ABCA13: variants seen among roughly 807,000 people sequenced by gnomAD.
ABCA13 encodes ATP-binding cassette sub-family A member 13.
Under a neutral mutation model 478.7 loss-of-function variants are expected in ABCA13, and 476 were observed. The observed-to-expected ratio is 0.99, with a 90% CI of 0.92 to 1.07. The LOEUF is 1.07. ABCA13 is among the 50% of genes least tolerant of loss of function. The pLI is 0.00. For synonymous variants in ABCA13, 2,252 were observed against 2,158.9 expected, an observed-to-expected ratio of 1.04 and a Z score of -1.20; for missense variants, 6,060 against 5,910.6, an observed-to-expected ratio of 1.03 and a Z score of -0.83.
At chr7:48,511,278 C>T (rs1392097213) in intron 51 of ABCA13, 79 bp downstream of exon 51, 29 of 1,130,934 alleles carry the variant, frequency 2.6e-5, no homozygotes, top group Non-Finnish European at 3.2e-5. Context: ...TTTGAACCTG[C>T]TGTCGACTTC....
intron 15 of ABCA13, among the ~76,000 whole-genome samples, chr7:48,266,257 A>G (rs73341763): frequency 0.03 from 4,527 of 151,756 alleles, 222 homozygotes; most frequent in African/African-American, 0.1. Flanking sequence ...TCTTTGTCTT[A>G]TATTTATAGG....
At chr7:48,510,928 C>A (rs757984562) in intron 50 of ABCA13, among the ~76,000 whole-genome samples, 156 bp from the exon 51 acceptor site, 2 of 152,114 alleles carry the variant, frequency 1.3e-5, no homozygotes, top group South Asian at 4.1e-4. Context: ...TTAAAACAAG[C>A]GACTTTCCAG....
chr7:48,542,634 T>C (rs2131138111), intron 55 of ABCA13, among the ~76,000 whole-genome samples: 1 of 151,680 alleles, frequency 6.6e-6, no homozygotes, highest in East Asian at 1.9e-4. Context: ...GGAAATATGG[T>C]CAACCTATAT....
At chr7:48,551,704 C>A (rs2131198409) in intron 55 of ABCA13, among the ~76,000 whole-genome samples, 1 of 151,282 alleles carries the variant, frequency 6.6e-6, no homozygotes, top group South Asian at 2.1e-4. Flanking sequence ...GCTTAATTCC[C>A]AGTTTGGTAA....
At position 48,433,286 on chromosome 7, in the gene ABCA13, C is replaced by T. The variant is rs1346359395; in HGVS notation, c.12565+5415C>T. 2.0e-5 allele frequency among the ~76,000 whole-genome samples: 3 copies of T among 151,478 alleles called. No individual in the cohort carries two copies. In the East Asian group the frequency reaches 5.8e-4, roughly 29 times the overall value. On this transcript the variant is annotated intron_variant, in intron 42 of 61. Transcript: ENST00000435803. ...CCCCTTGAGATCTTTGGTAGATTTG[C>T]ACTATGTGAATTTTAGCAACTGAAA...
intron 3 of ABCA13, among the ~76,000 whole-genome samples, chr7:48,202,308 A>T (rs1798878924): frequency 1.3e-5 from 2 of 152,130 alleles, no homozygotes; most frequent in South Asian, 4.1e-4. Context: ...CCTGAGCTAG[A>T]CACAAAGGTT....
intron 29 of ABCA13, 30 bp from the exon 30 acceptor site, chr7:48,350,613 G>T: frequency 6.4e-7 from 1 of 1,551,308 alleles, no homozygotes; most frequent in South Asian, 1.2e-5. Context: ...TACAGAAGTT[G>T]ATGTGTCCTA....
intron 28 of ABCA13, among the ~76,000 whole-genome samples, chr7:48,336,676 T>C (rs972616516): frequency 1.3e-5 from 2 of 152,224 alleles, no homozygotes; most frequent in African/African-American, 4.8e-5. Flanking sequence ...CAAAGTGCCA[T>C]GGATTCAGAG....
chr7:48,247,286 C>A (rs577625585), intron 13 of ABCA13, among the ~76,000 whole-genome samples: 4 of 152,118 alleles, frequency 2.6e-5, no homozygotes, highest in Admixed American at 2.0e-4. Context: ...TGAATGCATG[C>A]AGGCACAAAA....
chr7:48,294,478 C>A (rs1799083924), intron 20 of ABCA13, among the ~76,000 whole-genome samples: 1 of 134,068 alleles, frequency 7.5e-6, no homozygotes, highest in African/African-American at 2.8e-5. Context: ...CTCGCTCTGT[C>A]GCCCAGGCCA....
intron 58 of ABCA13, among the ~76,000 whole-genome samples, chr7:48,609,333 T>A (rs1304989028): frequency 1.3e-5 from 2 of 152,180 alleles, no homozygotes; most frequent in African/African-American, 4.8e-5. Flanking sequence ...TTTCCATAAA[T>A]CTGTCCATAT....
chr7:48,476,773 G>C (rs992388230), intron 45 of ABCA13, among the ~76,000 whole-genome samples: 13 of 152,142 alleles, frequency 8.5e-5, no homozygotes, highest in African/African-American at 2.9e-4. Context: ...ATATGACCAG[G>C]TAAGTGAGCA....
chr7:48,590,410 C>G (rs1221027643), intron 57 of ABCA13, among the ~76,000 whole-genome samples: 1 of 151,966 alleles, frequency 6.6e-6, no homozygotes, highest in Admixed American at 6.6e-5. Context: ...TAGGTTGTTT[C>G]TATATCTTGG....
intron 3 of ABCA13, among the ~76,000 whole-genome samples, chr7:48,218,082 A>G (rs567792488): frequency 2.0e-4 from 30 of 152,346 alleles, no homozygotes; most frequent in African/African-American, 7.2e-4. Flanking sequence ...TTCTCATGTT[A>G]ATGATAGTTC....
intron 55 of ABCA13, among the ~76,000 whole-genome samples, chr7:48,546,292 C>T (rs1046386853): frequency 6.6e-6 from 1 of 151,736 alleles, no homozygotes; most frequent in Non-Finnish European, 1.5e-5. Context: ...AGCACAGATA[C>T]AAAACATTTT....
chr7:48,403,594 G>A (rs1817887324), intron 38 of ABCA13, 89 bp from the exon 39 acceptor site: 15 of 1,312,852 alleles, frequency 1.1e-5, no homozygotes, highest in Middle Eastern at 3.7e-4. Flanking sequence ...AACGATTTCA[G>A]CCACTGTTAG....
intron 29 of ABCA13, among the ~76,000 whole-genome samples, chr7:48,344,290 A>G (rs1277877950): frequency 1.3e-5 from 2 of 152,196 alleles, no homozygotes; most frequent in Admixed American, 6.5e-5. Flanking sequence ...CTCCACAGCA[A>G]GGAATTATGT....
chr7:48,350,436 A>G (rs1808781933), intron 29 of ABCA13, among the ~76,000 whole-genome samples: 2 of 152,174 alleles, frequency 1.3e-5, no homozygotes, highest in Admixed American at 1.3e-4. Context: ...TCAGTGTTAC[A>G]GAGCATGTGT....
At chr7:48,216,669 A>G (rs559741471) in intron 3 of ABCA13, among the ~76,000 whole-genome samples, 33 of 151,902 alleles carry the variant, frequency 2.2e-4, no homozygotes, top group African/African-American at 7.8e-4. Context: ...CTAACCTTCA[A>G]TCATAAGGAT....
Sources: allele counts gnomAD v4.1 joint callset (sites outside exome capture counted in the v4.1 genomes callset), GRCh38; gene constraint gnomAD v4.1.1; transcripts MANE v1.5; gene names NCBI Gene and HGNC (gene_info 2026-07-23, HGNC 2026-07-21).